Variants in GLIPR1 observed in about 807,000 individuals in gnomAD.
GLIPR1 encodes the protein GLI pathogenesis related 1.
Under a neutral mutation model 30.3 loss-of-function variants are expected in GLIPR1, and 38 were observed. The observed-to-expected ratio is 1.26, with a 90% CI of 0.97 to 1.65. The LOEUF is 1.65. GLIPR1 is among the 40% of genes most tolerant of loss of function. GLIPR1 has a pLI of 0.00. For synonymous variants in GLIPR1, 122 were observed against 110.6 expected (o/e 1.10, Z -0.65); for missense variants, 285 against 326.5 (o/e 0.87, Z 0.98).
rs1277171536 is a variant in GLIPR1 at position 75,498,952 on chromosome 12, T to C, written c.775T>C (p.Tyr259His). The C allele has an allele frequency of 1.9e-6, 3 of 1,601,410 alleles. No individual in the cohort carries two copies. Among genetic ancestry groups the C allele is most frequent in the Non-Finnish European group, 2.6e-6 (3 of 1,175,058 alleles). ...VIITILVQHK[Y>H]PNLVLLD The stretch of plus-strand genomic sequence containing the variant: ...AATTACCATTTTGGTACAGCACAAG[T>C]ACCCTAATTTAGTTCTTTTGGACTA... Residue 259 changes from tyrosine (Y) to histidine (H), a missense_variant, in exon 6 of 6, where the codon TAC becomes CAC. Tyr to His is a moderately conservative substitution (Grantham distance 83). Transcript: ENST00000266659.
In GLIPR1 at chr12:75,499,706, AAAAAAGCCCTCAG is replaced by A. The variant is rs1348904333; in HGVS notation, c.*733_*745del. ...TGAACAACCACCACCACCAAAAAAA[AAAAAAGCCCTCAG>A]AAAATTTCTCACAAATAAGGCAACT... On this transcript the variant is annotated 3_prime_UTR_variant, in exon 6 of 6. Transcript: ENST00000266659. 1.1e-5 allele frequency: 8 copies of A among 749,474 alleles called. No homozygotes were observed. The East Asian group carries it at 2.3e-4, about 21-fold the overall frequency. 46.4% of individuals were successfully genotyped at this position (749,474 alleles called of 1,614,324 possible).
At position 75,503,754 on chromosome 12, in the gene GLIPR1, A is replaced by C; in HGVS notation, c.*4776A>C. The C allele has an allele frequency of 4.6e-6, 3 of 648,410 alleles. No homozygotes were observed. 40.2% of individuals were successfully genotyped at this position (648,410 alleles called of 1,614,324 possible). Reference sequence around the variant, plus strand: ...CACTCAGCTCAAAATATGCCTATTTATATTTACCCTCAGTTTCTTATAGCT... The same window carrying C: ...CACTCAGCTCAAAATATGCCTATTTCTATTTACCCTCAGTTTCTTATAGCT... On this transcript the variant is annotated 3_prime_UTR_variant, in exon 6 of 6. Coordinates refer to ENST00000266659, the MANE Select transcript of GLIPR1 (RefSeq NM_006851.3).
chr12:75,496,721 C>G (rs1594062403), intron 4 of GLIPR1: 1 of 152,164 alleles, frequency 6.6e-6, no homozygotes, highest in Admixed American at 6.6e-5. Flanking sequence ...CGGCCAAGTT[C>G]CACTGCACGA....
chr12:75,500,632 C>CTAAT lies in GLIPR1; in HGVS notation c.*1655_*1658dup, dbSNP rs1282521093. ...AATTTGAGAGTGTGTGGAAGTCCCC[C>CTAAT]TAATAGAAGCCAACTATCTAATCAA... On this transcript the variant is annotated 3_prime_UTR_variant, in exon 6 of 6. Coordinates refer to ENST00000266659, the MANE Select transcript of GLIPR1 (RefSeq NM_006851.3). The CTAAT allele has an allele frequency of 6.6e-6, 1 of 151,804 alleles. No individual in the cohort carries two copies. Among genetic ancestry groups the CTAAT allele is most frequent in the Non-Finnish European group, 1.5e-5 (1 of 67,910 alleles). 9.4% of individuals were successfully genotyped at this position (151,804 alleles called of 1,614,324 possible).
At chr12:75,491,746 G>A (rs572740984) in intron 3 of GLIPR1, 8 of 151,868 alleles carry the variant, frequency 5.3e-5, no homozygotes, top group Non-Finnish European at 1.2e-4. Flanking sequence ...TCCTTTTTCT[G>A]TGAATCATGT....
Position 75,502,172 on chromosome 12 carries a change from A to C in GLIPR1, c.*3194A>C. The C allele has an allele frequency of 1.7e-6, 1 of 576,010 alleles. No homozygotes were observed. Among genetic ancestry groups the C allele is most frequent in the Non-Finnish European group, 3.1e-6 (1 of 326,464 alleles). 35.7% of individuals were successfully genotyped at this position (576,010 alleles called of 1,614,324 possible). ...CTAAGCTGAGGGGAATACATACACA[A>C]AAGTGTGGAGGTAGGAAAGCACCTC... On this transcript the variant is annotated 3_prime_UTR_variant, in exon 6 of 6. Transcript: ENST00000266659.
chr12:75,482,332 T>C (rs1285336337), intron 2 of GLIPR1, among the ~76,000 whole-genome samples: 36 of 152,216 alleles, frequency 2.4e-4, no homozygotes, highest in Admixed American at 2.4e-3. Context: ...TATTCTCCCA[T>C]AGGACTTTAT....
intron 3 of GLIPR1, chr12:75,493,854 G>A (rs1167770924): frequency 2.0e-5 from 3 of 152,176 alleles, no homozygotes; most frequent in South Asian, 2.1e-4. Context: ...AGACCTCACC[G>A]ACTGTCTTGG....
At position 75,499,753 on chromosome 12, in the gene GLIPR1, A is replaced by ATATC; in HGVS notation, c.*777_*780dup. 1 of 1,380,010 alleles carries ATATC rather than the reference A, an allele frequency of 7.2e-7. No homozygotes were observed. The highest frequency in any genetic ancestry group is 1.5e-5 in the South Asian group (1 of 68,794). The allele number at this position is 1,380,010 out of a possible 1,614,324, so 85.5% of individuals were successfully genotyped here. ...TCACAAATAAGGCAACTAATGCCTG[A>ATATC]TATCTCAAAATCCTTTACAAAAGGA... On this transcript the variant is annotated 3_prime_UTR_variant, in exon 6 of 6. Coordinates refer to ENST00000266659, the MANE Select transcript of GLIPR1 (RefSeq NM_006851.3).
chr12:75,482,879 T>C (rs570505446), intron 2 of GLIPR1, among the ~76,000 whole-genome samples: 2 of 152,290 alleles, frequency 1.3e-5, no homozygotes, highest in African/African-American at 4.8e-5. Flanking sequence ...TGTCACTTCC[T>C]GGCCATCCTT....
chr12:75,495,413 A>C lies in GLIPR1; in HGVS notation c.534-164A>C, dbSNP rs1190103055. 1.0e-5 allele frequency: 6 copies of C among 571,520 alleles called. No individual in the cohort carries two copies. In the East Asian group the frequency reaches 1.7e-4, roughly 16 times the overall value. The allele number at this position is 571,520 out of a possible 1,614,324, so 35.4% of individuals were successfully genotyped here. A position where few individuals can be genotyped will look rare whatever the true frequency, so the allele number is the denominator to read the frequency against. On this transcript the variant is annotated intron_variant, in intron 3 of 5. Transcript: ENST00000266659. ...ACATAGAATGAACTATGCAAATATT[A>C]GCAGCCTTCCATTTCTGCCTTCCTG...
Position 75,501,618 on chromosome 12 carries a change from G to A in GLIPR1, c.*2640G>A, listed in dbSNP as rs1470245485. On this transcript the variant is annotated 3_prime_UTR_variant, in exon 6 of 6. Coordinates refer to ENST00000266659, the MANE Select transcript of GLIPR1 (RefSeq NM_006851.3). ...ATTAGTAATTAATGAAATGCTAAGA[G>A]AACTGATGAAAAGATACAACTGTTT... The A allele has an allele frequency of 9.7e-6, 7 of 721,308 alleles. No homozygotes were observed. The highest frequency in any genetic ancestry group is 2.7e-5 in the East Asian group (1 of 37,202). 44.7% of individuals were successfully genotyped at this position (721,308 alleles called of 1,614,324 possible). A position where few individuals can be genotyped will look rare whatever the true frequency, so the allele number is the denominator to read the frequency against.
At chr12:75,491,972 C>T (rs1284138650) in intron 3 of GLIPR1, 2 of 151,358 alleles carry the variant, frequency 1.3e-5, no homozygotes, top group African/African-American at 4.9e-5. Flanking sequence ...AAGGAGGAGA[C>T]AAAGCGTCAT....
At chr12:75,487,561 A>C (rs569145622) in intron 2 of GLIPR1, among the ~76,000 whole-genome samples, 1 of 152,164 alleles carries the variant, frequency 6.6e-6, no homozygotes, top group African/African-American at 2.4e-5. Context: ...AGGGAAGTAC[A>C]CTCGCCCTTG....
In GLIPR1 at chr12:75,499,920, G is replaced by A. The variant is rs149114650; in HGVS notation, c.*942G>A. 156 of 1,605,052 alleles carry A rather than the reference G, an allele frequency of 9.7e-5. 2 individuals carry two copies. In the African/African-American group the frequency reaches 2.0e-3, roughly 20 times the overall value. On this transcript the variant is annotated 3_prime_UTR_variant, in exon 6 of 6. Coordinates refer to ENST00000266659, the MANE Select transcript of GLIPR1 (RefSeq NM_006851.3). The stretch of plus-strand genomic sequence containing the variant: ...TTGCTTTCTTAACCTTTTCCTTGAT[G>A]CTGGCCACATCAATTTTAGTTTCAG...
At chr12:75,492,674 C>T (rs148584678) in intron 3 of GLIPR1, 2 of 152,252 alleles carry the variant, frequency 1.3e-5, no homozygotes, top group African/African-American at 4.8e-5. Context: ...AATTATAAAA[C>T]TTACAACCAA....
chr12:75,501,699 CTTT>C lies in GLIPR1; in HGVS notation c.*2723_*2725del. ...GTTTACTTTTCCTAATTAATAAAGA[CTTT>C]TACATCATAGAAAGCATTACCTTCC... On this transcript the variant is annotated 3_prime_UTR_variant, in exon 6 of 6. Transcript: ENST00000266659. The C allele has an allele frequency of 6.8e-7, 1 of 1,477,530 alleles. No homozygotes were observed. The highest frequency in any genetic ancestry group is 9.4e-7 in the Non-Finnish European group (1 of 1,065,300). 91.5% of individuals were successfully genotyped at this position (1,477,530 alleles called of 1,614,324 possible).
intron 2 of GLIPR1, among the ~76,000 whole-genome samples, chr12:75,486,798 G>T (rs1406950105): frequency 7.5e-6 from 1 of 133,036 alleles, no homozygotes; most frequent in Non-Finnish European, 1.7e-5. Context: ...ATTAATGACT[G>T]CTGGGGTCTG....
At chr12:75,487,174 A>C (rs914465104) in intron 2 of GLIPR1, among the ~76,000 whole-genome samples, 9 of 152,184 alleles carry the variant, frequency 5.9e-5, no homozygotes, top group Non-Finnish European at 7.3e-5. Flanking sequence ...ACAATAAAGG[A>C]ATAAAGACAA....
Sources: allele counts gnomAD v4.1 joint callset (sites outside exome capture counted in the v4.1 genomes callset), GRCh38; gene constraint gnomAD v4.1.1; transcripts MANE v1.5; gene names NCBI Gene and HGNC (gene_info 2026-07-23, HGNC 2026-07-21).